Variants in PARD3B observed in about 807,000 individuals in gnomAD.
PARD3B encodes partitioning defective 3 homolog B.
PARD3B carries 103 observed loss-of-function variants against 130.2 expected under a neutral mutation model. The ratio of observed to expected loss-of-function variants is 0.79; its 90% CI spans 0.67 to 0.93. PARD3B has a LOEUF of 0.93. Among genes scored for constraint, PARD3B ranks in the 40% least tolerant of loss-of-function variants. PARD3B has a pLI of 0.00. For synonymous variants in PARD3B, 583 were observed against 553.2 expected, an observed-to-expected ratio of 1.05 and a Z score of -0.76; for missense variants, 1,609 against 1,499.2, an observed-to-expected ratio of 1.07 and a Z score of -1.21.
intron 18 of PARD3B, among the ~76,000 whole-genome samples, chr2:205,340,617 A>C (rs936714451): frequency 6.6e-6 from 1 of 152,192 alleles, no homozygotes; most frequent in African/African-American, 2.4e-5. Context: ...TTAAAGACTT[A>C]AAGGTAAGAT....
At chr2:205,212,673 A>G (rs1002722816) in intron 15 of PARD3B, among the ~76,000 whole-genome samples, 3 of 152,098 alleles carry the variant, frequency 2.0e-5, no homozygotes, top group African/African-American at 7.2e-5. Flanking sequence ...GCATACATTA[A>G]CCATGGACGG....
chr2:204,635,044 C>T (rs1162313520), intron 1 of PARD3B, among the ~76,000 whole-genome samples: 2 of 152,130 alleles, frequency 1.3e-5, no homozygotes, highest in Admixed American at 6.6e-5. Context: ...GACTATTGAG[C>T]ACCTTTAAAA....
chr2:204,620,558 G>A (rs2034263128), intron 1 of PARD3B, among the ~76,000 whole-genome samples: 1 of 152,166 alleles, frequency 6.6e-6, no homozygotes, highest in Non-Finnish European at 1.5e-5. Context: ...CCTATGAACA[G>A]GGCCGTTATC....
At position 205,118,933 on chromosome 2, in the gene PARD3B, C is replaced by T; in HGVS notation, c.693C>T (p.Leu231=). 1 of 1,600,592 alleles carries T rather than the reference C, an allele frequency of 6.2e-7. No individual in the cohort carries two copies. Among genetic ancestry groups the T allele is most frequent in the Non-Finnish European group, 8.5e-7 (1 of 1,174,626 alleles). Residue 231 remains leucine (L), a synonymous_variant, in exon 7 of 23, where the codon CTC becomes CTT. Transcript: ENST00000406610. ...FSSLSGRILG[L]FIRGIEDNSR... ...ATTTTGCATTTAGGATTCTAGGACT[C>T]TTCATCCGAGGCATTGAAGACAACA... is the stretch of plus-strand genomic sequence containing the variant.
intron 18 of PARD3B, among the ~76,000 whole-genome samples, chr2:205,328,791 A>G (rs1434470473): frequency 1.3e-5 from 2 of 152,184 alleles, no homozygotes; most frequent in African/African-American, 2.4e-5. Flanking sequence ...AAAGTTGTAT[A>G]ATATTGTTCT....
intron 4 of PARD3B, among the ~76,000 whole-genome samples, chr2:205,082,035 C>T (rs1701446914): frequency 6.6e-6 from 1 of 151,992 alleles, no homozygotes; most frequent in African/African-American, 2.4e-5. Flanking sequence ...AATATATATT[C>T]GATTTCTTCA....
chr2:205,282,509 A>G (rs964198039), intron 16 of PARD3B, among the ~76,000 whole-genome samples: 5 of 148,816 alleles, frequency 3.4e-5, no homozygotes, highest in Non-Finnish European at 5.9e-5. Context: ...ATTTATGTGT[A>G]TATATATATA....
intron 2 of PARD3B, among the ~76,000 whole-genome samples, chr2:204,947,229 A>G (rs1689398163): frequency 6.6e-6 from 1 of 152,204 alleles, no homozygotes; most frequent in African/African-American, 2.4e-5. Context: ...TGACTTAAGA[A>G]GGGAATTATG....
intron 1 of PARD3B, among the ~76,000 whole-genome samples, chr2:204,584,652 A>G (rs75370273): frequency 0.019 from 2,901 of 152,236 alleles, 78 homozygotes; most frequent in African/African-American, 0.067. Flanking sequence ...TTTAAATTCT[A>G]TGGGATATGA....
intron 4 of PARD3B, among the ~76,000 whole-genome samples, chr2:205,095,892 C>T (rs1702366536): frequency 6.6e-6 from 1 of 151,874 alleles, no homozygotes; most frequent in African/African-American, 2.4e-5. Context: ...TCTAACTGTG[C>T]TGATTATTAG....
intron 2 of PARD3B, among the ~76,000 whole-genome samples, chr2:204,960,154 G>C (rs1048164248): frequency 3.9e-5 from 6 of 152,302 alleles, no homozygotes; most frequent in Admixed American, 3.9e-4. Context: ...TCCACTTGCT[G>C]TGAAGTTTTA....
rs1483439441 is a variant in PARD3B, at chr2:205,410,503, T to C, written c.2741+9380T>C. ...GTACCATGAAATAAAATGGTAATAA[T>C]AATACTTAAAGGCCCCAGTTTCCTA... is the stretch of plus-strand genomic sequence containing the variant. On this transcript the variant is annotated intron_variant, in intron 19 of 22. Coordinates refer to ENST00000406610, the MANE Select transcript of PARD3B (RefSeq NM_001302769.2). 3.9e-5 allele frequency among the ~76,000 whole-genome samples: 6 copies of C among 152,182 alleles called. No individual in the cohort carries two copies. The East Asian group carries it at 1.2e-3, about 29-fold the overall frequency.
intron 2 of PARD3B, among the ~76,000 whole-genome samples, chr2:204,730,400 C>T (rs185814776): frequency 2.0e-5 from 3 of 152,180 alleles, no homozygotes; most frequent in East Asian, 3.9e-4. Context: ...CATAATTATA[C>T]TGCTCTGTAA....
chr2:204,638,904 T>C (rs560865806), intron 1 of PARD3B, among the ~76,000 whole-genome samples: 1 of 152,302 alleles, frequency 6.6e-6, no homozygotes, highest in South Asian at 2.1e-4. Context: ...GGCCTTTAGA[T>C]TCCTCCATGG....
chr2:204,891,508 G>A (rs990623640), intron 2 of PARD3B, among the ~76,000 whole-genome samples: 9 of 152,104 alleles, frequency 5.9e-5, no homozygotes, highest in Non-Finnish European at 1.0e-4. Flanking sequence ...ATAGTGTATG[G>A]CATTCCTTTG....
In PARD3B at chr2:204,555,726, G is replaced by A. The variant is rs55680257; in HGVS notation, c.120+9607G>A. ...TTCTCCTGTCTCAGTCACACTGATC[G>A]CTTGTCATGTTATTCAAGCATGCCA... is the stretch of plus-strand genomic sequence containing the variant. On this transcript the variant is annotated intron_variant, in intron 1 of 22. Transcript: ENST00000406610. Among the ~76,000 whole-genome samples the A allele has an allele frequency of 1.3e-3, 199 of 152,218 alleles. 1 individual carries two copies. The highest frequency in any genetic ancestry group is 2.1e-3 in the Non-Finnish European group (144 of 68,004).
intron 2 of PARD3B, among the ~76,000 whole-genome samples, chr2:204,835,049 C>T (rs2043977878): frequency 6.6e-6 from 1 of 152,184 alleles, no homozygotes; most frequent in African/African-American, 2.4e-5. Context: ...AAATGGTACC[C>T]TGCAGGATTC....
intron 16 of PARD3B, among the ~76,000 whole-genome samples, chr2:205,299,735 A>G (rs1404587040): frequency 6.6e-6 from 1 of 152,142 alleles, no homozygotes; most frequent in Non-Finnish European, 1.5e-5. Context: ...TATATACCAG[A>G]AAAGCAATGA....
intron 3 of PARD3B, among the ~76,000 whole-genome samples, chr2:205,030,090 T>C (rs1328353827): frequency 6.6e-6 from 1 of 152,204 alleles, no homozygotes; most frequent in East Asian, 1.9e-4. Flanking sequence ...TTCTATGCCC[T>C]CTGTGGTATA....
Sources: allele counts gnomAD v4.1 joint callset (sites outside exome capture counted in the v4.1 genomes callset), GRCh38; gene constraint gnomAD v4.1.1; transcripts MANE v1.5; gene names NCBI Gene and HGNC (gene_info 2026-07-23, HGNC 2026-07-21).